TMEM92: variants seen among roughly 807,000 people sequenced by gnomAD.
TMEM92 encodes transmembrane protein 92.
A neutral mutation model predicts 14.6 loss-of-function variants in TMEM92; 15 were observed. That is an observed-to-expected ratio of 1.03 (90% CI 0.69 to 1.58). TMEM92 has a LOEUF of 1.58. Ranked by LOEUF, TMEM92 falls within the 40% of genes most tolerant of loss-of-function variation. The pLI is 0.00. For synonymous variants in TMEM92, 85 were observed against 83.3 expected (o/e 1.02, Z -0.11); for missense variants, 174 against 202.4 (o/e 0.86, Z 0.85).
In TMEM92 at chr17:50,277,759, A is replaced by C. The variant is rs746115497; in HGVS notation, c.95+19A>C. ...TCATCCTGTAAGTCTAGAGGCCATAACTTCCAATCTGGGGAGCGGGGAGGA... is the reference window on the plus strand; with the variant it reads ...TCATCCTGTAAGTCTAGAGGCCATACCTTCCAATCTGGGGAGCGGGGAGGA... On this transcript the variant is annotated intron_variant, in intron 2 of 4. Transcript: ENST00000507382. The C allele has an allele frequency of 1.9e-6, 3 of 1,613,738 alleles. No homozygotes were observed. Among genetic ancestry groups the C allele is most frequent in the Non-Finnish European group, 2.5e-6 (3 of 1,179,872 alleles).
chr17:50,276,358 C>A (rs1239476740), intron 1 of TMEM92, among the ~76,000 whole-genome samples: 1 of 152,158 alleles, frequency 6.6e-6, no homozygotes, highest in Non-Finnish European at 1.5e-5. Flanking sequence ...GGCCAACCTG[C>A]AGGGGTTCCT....
Position 50,280,601 on chromosome 17 carries a change from A to G in TMEM92, c.*1293A>G, listed in dbSNP as rs911445999. On this transcript the variant is annotated 3_prime_UTR_variant, in exon 5 of 5. Transcript: ENST00000507382. ...AGAGAGCCCCATGTCAATGCTGGCC[A>G]AAGCTCTCAGGAGGATTGGAGGTAG... 1 of 152,466 alleles carries G rather than the reference A, an allele frequency of 6.6e-6. No individual in the cohort carries two copies. Among genetic ancestry groups the G allele is most frequent in the African/African-American group, 2.4e-5 (1 of 41,472 alleles). 9.4% of individuals were successfully genotyped at this position (152,466 alleles called of 1,614,324 possible).
In TMEM92 at chr17:50,278,831, G is replaced by A. The variant is rs1255027318; in HGVS notation, c.201G>A (p.Leu67=). The change falls in exon 4 of 5, where the codon CTG becomes CTA. Residue 67 remains leucine, a synonymous_variant. Transcript: ENST00000507382. ...TCGTCATCATCTTCCTGGTCATCCTGTCCGTCTTTTGCATCTGTGGCCTGG... is the reference window on the plus strand; with the variant it reads ...TCGTCATCATCTTCCTGGTCATCCTATCCGTCTTTTGCATCTGTGGCCTGG... The part of the protein sequence containing the change: ...RIFVIIFLVI[L]SVFCICGLAK... 3.1e-6 allele frequency: 5 copies of A among 1,613,206 alleles called. No homozygotes were observed. Among genetic ancestry groups the A allele is most frequent in the East Asian group, 2.2e-5 (1 of 44,840 alleles).
At chr17:50,275,188 G>C (rs1375889558) in intron 1 of TMEM92, 1 of 153,632 alleles carries the variant, frequency 6.5e-6, no homozygotes, top group Non-Finnish European at 1.5e-5. Context: ...AACTCTACAG[G>C]TGATGGGGGA....
At chr17:50,278,205 T>G (rs889986009) in intron 2 of TMEM92, among the ~76,000 whole-genome samples, 1 of 152,140 alleles carries the variant, frequency 6.6e-6, no homozygotes. Context: ...TTCCTGGACA[T>G]GCCACGTGGC....
upstream of TMEM92, among the ~76,000 whole-genome samples, chr17:50,272,056 A>G (rs1910265313): frequency 6.6e-6 from 1 of 152,134 alleles, no homozygotes; most frequent in African/African-American, 2.4e-5. Context: ...TAATTATACT[A>G]AAATGAAATT....
At chr17:50,273,553 G>A (rs115094722), upstream of TMEM92, among the ~76,000 whole-genome samples, 511 of 152,334 alleles carry the variant, frequency 3.4e-3, 3 homozygotes, top group African/African-American at 0.01. Context: ...TTGTCAATGG[G>A]AGAAAATGCA....
Position 50,278,787 on chromosome 17 carries a change from G to C in TMEM92, c.171-14G>C, listed in dbSNP as rs375965451. 1.2e-6 allele frequency: 2 copies of C among 1,600,914 alleles called. No homozygotes were observed. The highest frequency in any genetic ancestry group is 1.7e-5 in the Admixed American group (1 of 57,862). ...CCTGGGGACTCAGGGTACTCTTGGTGGTCCCCACCCCAGGATCTTCGTCAT... is the reference window on the plus strand; with the variant it reads ...CCTGGGGACTCAGGGTACTCTTGGTCGTCCCCACCCCAGGATCTTCGTCAT... On this transcript the variant is annotated splice_polypyrimidine_tract_variant and intron_variant, in intron 3 of 4. Transcript: ENST00000507382.
rs958995927 is a variant in TMEM92 at position 50,280,652 on chromosome 17, G to T, written c.*1344G>T. 4.6e-5 allele frequency: 7 copies of T among 152,284 alleles called. No individual in the cohort carries two copies. Among genetic ancestry groups the T allele is most frequent in the African/African-American group, 1.7e-4 (7 of 41,432 alleles). The allele number at this position is 152,284 out of a possible 1,614,324, so 9.4% of individuals were successfully genotyped here. ...AACTGGCCCTGGTATGCCAACAGGGGTGCCTCTTTTAGTGCTCTCCCAATA... is the reference window on the plus strand; with the variant it reads ...AACTGGCCCTGGTATGCCAACAGGGTTGCCTCTTTTAGTGCTCTCCCAATA... On this transcript the variant is annotated 3_prime_UTR_variant, in exon 5 of 5. Coordinates refer to ENST00000507382, the MANE Select transcript of TMEM92 (RefSeq NM_153229.3).
rs73987471 is a variant in TMEM92 at position 50,277,878 on chromosome 17, C to G, written c.95+138C>G. 1.1e-3 allele frequency: 1,238 copies of G among 1,132,270 alleles called. 10 individuals are homozygous for G. In the African/African-American group the frequency reaches 0.017, roughly 16 times the overall value. The allele number at this position is 1,132,270 out of a possible 1,614,324, so 70.1% of individuals were successfully genotyped here. On this transcript the variant is annotated intron_variant, in intron 2 of 4. Transcript: ENST00000507382. The stretch of plus-strand genomic sequence containing the variant: ...CCAATCCAGCCAGAAACTGTCCCCC[C>G]ACTTTCCCAGCCAAAGAGGGAGACC...
intron 1 of TMEM92, chr17:50,274,858 A>C: frequency 2.2e-6 from 1 of 457,964 alleles, no homozygotes; most frequent in South Asian, 2.8e-5. Context: ...GGGACTTTGG[A>C]CCCCTTATTA....
intron 1 of TMEM92, among the ~76,000 whole-genome samples, chr17:50,275,808 G>T (rs1210273528): frequency 6.6e-6 from 1 of 152,132 alleles, no homozygotes; most frequent in Non-Finnish European, 1.5e-5. Context: ...CCCTCGATTT[G>T]TCTCCAAGTT....
At position 50,274,565 on chromosome 17, in the gene TMEM92, C is replaced by T; in HGVS notation, c.64C>T (p.Gln22Ter). ...TLLFSLLAGP[Q>*]KIAAKCGLIL... is the part of the protein sequence containing the mutation. ...GCTGTTCAGCCTGCTGGCTGGCCCC[C>T]AAAAGGTGAGACTGGGAGGTAAGGT... Residue 22 changes from glutamine to a stop codon, truncating the protein, a stop_gained, in exon 1 of 5, where the codon CAA (glutamine) becomes TAA (stop). Transcript: ENST00000507382. LOFTEE classifies it high-confidence loss of function. The T allele has an allele frequency of 6.2e-7, 1 of 1,613,588 alleles. No individual in the cohort carries two copies.
At chr17:50,277,525 G>A (rs1302355170) in intron 1 of TMEM92, among the ~76,000 whole-genome samples, 190 bp from the exon 2 acceptor site, 4 of 151,990 alleles carry the variant, frequency 2.6e-5, no homozygotes, top group Non-Finnish European at 5.9e-5. Flanking sequence ...GGGCCAGCCA[G>A]GGGTCAGTTG....
At chr17:50,278,151 T>C (rs370884244) in intron 2 of TMEM92, among the ~76,000 whole-genome samples, 7 of 152,170 alleles carry the variant, frequency 4.6e-5, no homozygotes, top group African/African-American at 1.7e-4. Flanking sequence ...AAAGCACCGT[T>C]CTCTGACCCC....
chr17:50,275,866 G>A (rs920825736), intron 1 of TMEM92, among the ~76,000 whole-genome samples: 5 of 152,074 alleles, frequency 3.3e-5, no homozygotes, highest in African/African-American at 7.2e-5. Flanking sequence ...GAGGCCAGGC[G>A]CAGTGGCTCA....
upstream of TMEM92, among the ~76,000 whole-genome samples, chr17:50,273,851 C>T (rs577300080): frequency 2.6e-5 from 4 of 152,338 alleles, no homozygotes; most frequent in East Asian, 7.7e-4. Flanking sequence ...CCCCTTCCCA[C>T]TCCCGCCGGT....
At chr17:50,272,001 T>C (rs1479270534), upstream of TMEM92, among the ~76,000 whole-genome samples, 2 of 152,058 alleles carry the variant, frequency 1.3e-5, no homozygotes, top group Non-Finnish European at 2.9e-5. Context: ...CACCACTCCA[T>C]TCCAGTCTTG....
At chr17:50,275,783 A>G (rs1910411157) in intron 1 of TMEM92, among the ~76,000 whole-genome samples, 1 of 152,112 alleles carries the variant, frequency 6.6e-6, no homozygotes, top group East Asian at 1.9e-4. Flanking sequence ...GGTGCTGTTG[A>G]GTGCCTGGAT....
Sources: allele counts gnomAD v4.1 joint callset (sites outside exome capture counted in the v4.1 genomes callset), GRCh38; gene constraint gnomAD v4.1.1; transcripts MANE v1.5; gene names NCBI Gene and HGNC (gene_info 2026-07-23, HGNC 2026-07-21).